The following ZNF425 variants were observed in gnomAD, a reference collection of about 807,000 sequenced individuals.
ZNF425 encodes zinc finger protein 425.
ZNF425 carries 21 observed loss-of-function variants against 17.0 expected under a neutral mutation model. The ratio of observed to expected loss-of-function variants is 1.23; its 90% confidence interval spans 0.88 to 1.78. ZNF425 has a LOEUF of 1.78. ZNF425 is among the 40% of genes most tolerant of loss of function. The pLI, the probability that ZNF425 is intolerant of heterozygous loss-of-function variation, is 0.00. For synonymous variants in ZNF425, 433 were observed against 384.1 expected (o/e 1.13, Z -1.49); for missense variants, 868 against 967.3 (o/e 0.90, Z 1.36).
intron 3 of ZNF425, among the ~76,000 whole-genome samples, chr7:149,108,425 T>G (rs570112894): frequency 6.6e-6 from 1 of 152,196 alleles, no homozygotes; most frequent in African/African-American, 2.4e-5. Context: ...AAAGTATATT[T>G]ACCTTGAATC....
chr7:149,105,211 G>C lies in ZNF425; in HGVS notation c.660C>G (p.Tyr220Ter). Residue 220 changes from tyrosine (Y) to a stop codon, truncating the protein, a stop_gained, in exon 4 of 4, where the codon TAC (tyrosine) becomes TAG (stop). Transcript: ENST00000378061. LOFTEE classifies it low-confidence loss of function (END_TRUNC). ...CTCTGGACGAGTTTTTGTACTTTGG[G>C]TATCTGCAGAGCTGGCTCTTGGAGT... is the stretch of plus-strand genomic sequence containing the variant. ...RSHSKSQLCR[Y>*]PKYKNSSRGK... The C allele has an allele frequency of 6.2e-7, 1 of 1,614,202 alleles. No individual in the cohort carries two copies. Among genetic ancestry groups the C allele is most frequent in the Non-Finnish European group, 8.5e-7 (1 of 1,180,040 alleles).
chr7:149,107,389 G>C (rs1028177640), intron 3 of ZNF425, among the ~76,000 whole-genome samples: 1 of 150,702 alleles, frequency 6.6e-6, no homozygotes, highest in Non-Finnish European at 1.5e-5. Context: ...CCAGGCTGGA[G>C]TGCAGTAGCG....
chr7:149,112,000 G>T, intron 3 of ZNF425, 137 bp downstream of exon 3: 1 of 844,554 alleles, frequency 1.2e-6, no homozygotes, highest in Non-Finnish European at 1.8e-6. Flanking sequence ...CTACCCTCTT[G>T]AGTAAAGAAA....
intron 3 of ZNF425, among the ~76,000 whole-genome samples, chr7:149,107,337 A>ATTTTT (rs1163777625): frequency 7.8e-6 from 1 of 128,382 alleles, no homozygotes; most frequent in African/African-American, 3.7e-5. Flanking sequence ...TTATTTATTT[A>ATTTTT]TTTATTTATT....
At position 149,103,799 on chromosome 7, in the gene ZNF425, T is replaced by C; in HGVS notation, c.2072A>G (p.Glu691Gly). The change falls in exon 4 of 4, where the codon GAG (glutamate) becomes GGG (glycine). Residue 691 changes from glutamate to glycine, a missense_variant. Physicochemically the swap from Glu to Gly is moderately conservative, Grantham distance 98 (BLOSUM62 -2). Around this residue, in one of 5 missense-constraint regions of ZNF425, gnomAD observed 437 missense variants for 444.2 expected, o/e 0.98. Coordinates refer to ENST00000378061, the MANE Select transcript of ZNF425 (RefSeq NM_001001661.3). Reference sequence around the variant, plus strand: ...ACACTCGGGACACTGGAAGGGCCTCTCTCCACTGTGCTTATACAAGTGGAC... The same window carrying C: ...ACACTCGGGACACTGGAAGGGCCTCCCTCCACTGTGCTTATACAAGTGGAC... Reference protein sequence around the residue: ...LKVHLYKHSGERPFQCPECGK... With the variant: ...LKVHLYKHSGGRPFQCPECGK... 1.9e-6 allele frequency: 3 copies of C among 1,614,118 alleles called. No homozygotes were observed. Among genetic ancestry groups the C allele is most frequent in the Non-Finnish European group, 2.5e-6 (3 of 1,180,024 alleles).
chr7:149,107,348 T>TATTTATTTA (rs1237876400), intron 3 of ZNF425, among the ~76,000 whole-genome samples: 1,545 of 134,766 alleles, frequency 0.011, 12 homozygotes, highest in Non-Finnish European at 0.012. Context: ...TTTATTTATT[T>TATTTATTTA]TTTTTCTGAG....
chr7:149,105,710 G>A (rs535351613), intron 3 of ZNF425, 144 bp from the exon 4 acceptor site: 14 of 463,216 alleles, frequency 3.0e-5, no homozygotes, highest in Non-Finnish European at 4.5e-5. Context: ...GATTGCAGTG[G>A]TGCGATCTCG....
At position 149,118,013 on chromosome 7, in the gene ZNF425, A is replaced by T. The variant is rs115433112; in HGVS notation, c.145+209T>A. Among the ~76,000 whole-genome samples the T allele has an allele frequency of 9.8e-3, 1,492 of 152,200 alleles. 29 individuals are homozygous for T. The highest frequency in any genetic ancestry group is 0.034 in the African/African-American group (1,401 of 41,522). On this transcript the variant is annotated intron_variant, in intron 2 of 3. Coordinates refer to ENST00000378061, the MANE Select transcript of ZNF425 (RefSeq NM_001001661.3). ...GGAGGGTTAAGGTAGGAGACAGAGA[A>T]TTTAGAGTATTAATAATACTGAAGG...
chr7:149,106,398 C>T (rs1193475791), intron 3 of ZNF425, among the ~76,000 whole-genome samples: 3 of 151,384 alleles, frequency 2.0e-5, no homozygotes, highest in Non-Finnish European at 3.0e-5. Flanking sequence ...CCACCATACC[C>T]AGCTAATGTT....
At chr7:149,110,834 G>A (rs1396891532) in intron 3 of ZNF425, among the ~76,000 whole-genome samples, 5 of 135,364 alleles carry the variant, frequency 3.7e-5, no homozygotes, top group Non-Finnish European at 7.7e-5. Context: ...CCACTCTGTC[G>A]CCCAGGCTGG....
At chr7:149,124,743 G>T (rs1826426792) in intron 1 of ZNF425, among the ~76,000 whole-genome samples, 1 of 151,612 alleles carries the variant, frequency 6.6e-6, no homozygotes, top group Admixed American at 6.6e-5. Flanking sequence ...CTTTCTCCAT[G>T]TTGGTCAGGC....
At chr7:149,114,613 G>A (rs1164468728) in intron 2 of ZNF425, among the ~76,000 whole-genome samples, 6 of 151,750 alleles carry the variant, frequency 4.0e-5, no homozygotes, top group South Asian at 2.1e-4. Context: ...TGGCCAGGCC[G>A]GTCTCGAATG....
intron 3 of ZNF425, among the ~76,000 whole-genome samples, chr7:149,107,879 T>TA (rs1826107107): frequency 1.3e-5 from 2 of 151,414 alleles, no homozygotes; most frequent in East Asian, 1.9e-4. Context: ...TTTATTTATT[T>TA]TTGAGCTAGG....
intron 1 of ZNF425, among the ~76,000 whole-genome samples, chr7:149,122,552 T>C (rs190656313): frequency 3.3e-5 from 5 of 152,138 alleles, no homozygotes; most frequent in African/African-American, 9.7e-5. Flanking sequence ...ATGTCCAATT[T>C]ATCACTTTTT....
At chr7:149,124,456 G>A (rs1277494196) in intron 1 of ZNF425, among the ~76,000 whole-genome samples, 1 of 151,512 alleles carries the variant, frequency 6.6e-6, no homozygotes, top group Non-Finnish European at 1.5e-5. Flanking sequence ...CGTCCGGATG[G>A]CCTTGTTATT....
In ZNF425 at chr7:149,103,883, T is replaced by C. The variant is rs768227215; in HGVS notation, c.1988A>G (p.Glu663Gly). 20 of 1,614,036 alleles carry C rather than the reference T, an allele frequency of 1.2e-5. No homozygotes were observed. The Admixed American group carries it at 3.3e-4, about 27-fold the overall frequency. Reference sequence around the variant, plus strand: ...ACACTCCGGACACTGGAAGGGCTTCTCCCCGCTGTGGACTCGAATGTGTTC... The same window carrying C: ...ACACTCCGGACACTGGAAGGGCTTCCCCCCGCTGTGGACTCGAATGTGTTC... ...LTEHIRVHSGEKPFQCPECDK... is the reference protein window; with the variant it reads ...LTEHIRVHSGGKPFQCPECDK... Residue 663 changes from glutamate to glycine, a missense_variant, in exon 4 of 4, where the codon GAG becomes GGG. By Grantham distance (98) the Glu-to-Gly change is moderately conservative (BLOSUM62 -2). This residue lies in a region of ZNF425 where 437 missense variants were observed against 444.2 expected (regional missense o/e 0.98). Transcript: ENST00000378061.
chr7:149,105,995 G>A (rs1826078461), intron 3 of ZNF425, among the ~76,000 whole-genome samples: 1 of 125,960 alleles, frequency 7.9e-6, no homozygotes, highest in South Asian at 2.5e-4. Context: ...TTACTCTGTC[G>A]CCCAGGCTGG....
At chr7:149,117,698 G>C (rs1366285608) in intron 2 of ZNF425, among the ~76,000 whole-genome samples, 1 of 120,148 alleles carries the variant, frequency 8.3e-6, no homozygotes, top group Non-Finnish European at 1.6e-5. Context: ...TGTTGCCCAG[G>C]CTGGAGTGCA....
At chr7:149,106,103 C>CA in intron 3 of ZNF425, among the ~76,000 whole-genome samples, 1 of 151,492 alleles carries the variant, frequency 6.6e-6, no homozygotes, top group South Asian at 2.1e-4. Context: ...TACAGGCACC[C>CA]ACCACCACGC....
Sources: gnomAD v4.1 joint callset for allele counts (sites outside exome capture counted in the v4.1 genomes callset) on GRCh38, gnomAD v4.1.1 for gene constraint, gnomAD v4.1.1 regional missense constraint, MANE v1.5 for transcripts, NCBI Gene and HGNC (gene_info 2026-07-23, HGNC 2026-07-21) for gene names.